UQCRC1: variants seen among roughly 807,000 people sequenced by gnomAD.
UQCRC1 encodes the protein cytochrome b-c1 complex subunit 1, mitochondrial.
Under a neutral mutation model 58.0 loss-of-function variants are expected in UQCRC1, and 34 were observed. That is an observed-to-expected ratio of 0.59 (90% confidence interval 0.45 to 0.78). The LOEUF is 0.78. Ranked by LOEUF, UQCRC1 falls within the 30% of genes least tolerant of loss-of-function variation. The probability of loss-of-function intolerance (pLI) is 0.00; values close to 1 mark genes in which losing one functional copy is unlikely to be tolerated. For synonymous variants in UQCRC1, 276 were observed against 248.8 expected (o/e 1.11, Z -1.03); for missense variants, 610 against 646.0 (o/e 0.94, Z 0.60).
chr3:48,609,235 G>C lies in UQCRC1; in HGVS notation c.137C>G (p.Pro46Arg). The change falls in exon 2 of 13, where the codon CCG becomes CGG. Residue 46 changes from proline to arginine, a missense_variant. By Grantham distance (103) the Pro-to-Arg change is moderately radical. Coordinates refer to ENST00000203407, the MANE Select transcript of UQCRC1 (RefSeq NM_003365.3). ...GTCCAGCAGGCTAACCTGCGTCTCC[G>C]GCACGAACTGGAGCGCCTGAGCGAA... ...ATFAQALQFVPETQVSLLDNG... is the reference protein window; with the variant it reads ...ATFAQALQFVRETQVSLLDNG... 2 of 1,612,914 alleles carry C rather than the reference G, an allele frequency of 1.2e-6. No homozygotes were observed. The highest frequency in any genetic ancestry group is 1.7e-6 in the Non-Finnish European group (2 of 1,179,768).
chr3:48,606,996 C>G (rs1271601400), intron 2 of UQCRC1, among the ~76,000 whole-genome samples: 1 of 151,514 alleles, frequency 6.6e-6, no homozygotes, highest in African/African-American at 2.4e-5. Flanking sequence ...GTAGCTGGAA[C>G]TACAGGCGTG....
At chr3:48,604,590 T>C in intron 4 of UQCRC1, 61 bp downstream of exon 4, 1 of 1,609,598 alleles carries the variant, frequency 6.2e-7, no homozygotes, top group South Asian at 1.1e-5. Context: ...AGCCAGGGGC[T>C]CCTAGGTAGC....
Position 48,599,151 on chromosome 3 carries a change from C to A in UQCRC1, c.1420G>T (p.Gly474Cys), listed in dbSNP as rs1393314057. Residue 474 changes from glycine to cysteine, a missense_variant, in exon 13 of 13, where the codon GGC becomes TGC. Physicochemically the swap from Gly to Cys is radical, Grantham distance 159. Transcript: ENST00000203407. ...QLPDYNRIRS[G>C]MFWLRF ...GCCTAGAAGCGCAGCCAGAACATGC[C>A]GCTACGGATCCGGTTGTAGTCTGGG... is the stretch of plus-strand genomic sequence containing the variant. The A allele has an allele frequency of 2.5e-6, 4 of 1,611,750 alleles. No individual in the cohort carries two copies. In the Admixed American group the frequency reaches 6.7e-5, roughly 27 times the overall value.
At chr3:48,609,012 T>C in intron 2 of UQCRC1, 150 bp downstream of exon 2, 1 of 1,045,804 alleles carries the variant, frequency 9.6e-7, no homozygotes. Flanking sequence ...GTGGCTAGGG[T>C]AGGGAATGGG....
rs1023756025 is a variant in UQCRC1, at chr3:48,599,015, AT to A, written c.*112del. 21 of 1,260,640 alleles carry A rather than the reference AT, an allele frequency of 1.7e-5. No homozygotes were observed. Among genetic ancestry groups the A allele is most frequent in the Non-Finnish European group, 2.1e-5 (19 of 891,992 alleles). The allele number at this position is 1,260,640 out of a possible 1,614,324, so 78.1% of individuals were successfully genotyped here. ...GGGATGACACACTTCTCAGCAGAGG[AT>A]TTTATTGGTGGTCACCTGTGGCACA... On this transcript the variant is annotated 3_prime_UTR_variant, in exon 13 of 13. Transcript: ENST00000203407.
chr3:48,606,215 T>C (rs35796820), intron 2 of UQCRC1, among the ~76,000 whole-genome samples: 12,620 of 152,314 alleles, frequency 0.083, 948 homozygotes, highest in African/African-American at 0.2. Flanking sequence ...CATTTGCAAA[T>C]AACAACTTAT....
chr3:48,600,887 C>G (rs369530651), intron 8 of UQCRC1, 47 bp from the exon 9 acceptor site: 9 of 1,612,506 alleles, frequency 5.6e-6, no homozygotes, highest in Non-Finnish European at 7.6e-6. Context: ...GTCTTCAACG[C>G]ACACTGTGAC....
rs886869186 is a variant in UQCRC1, at chr3:48,601,525, C to T, written c.707-58G>A. 28 of 1,533,830 alleles carry T rather than the reference C, an allele frequency of 1.8e-5. No individual in the cohort carries two copies. The African/African-American group carries it at 3.0e-4, about 16-fold the overall frequency. On this transcript the variant is annotated intron_variant, in intron 6 of 12. Coordinates refer to ENST00000203407, the MANE Select transcript of UQCRC1 (RefSeq NM_003365.3). ...CCAGGGCCCAAGGCACAGGGTGGGG[C>T]GATTCACAGACAGGCAGAGGACCCC...
Position 48,601,050 on chromosome 3 carries a change from G to T in UQCRC1, c.891C>A (p.Ala297=). The stretch of plus-strand genomic sequence containing the variant: ...CTTGCAAGGCCACATTGTCCGGGCT[G>T]GCCCAGCCAGGACCCTCTACTGCAA... ...VAIAVEGPGW[A]SPDNVALQVA... is the part of the protein sequence containing the mutation. The change falls in exon 8 of 13, where the codon GCC becomes GCA. Residue 297 remains alanine, a synonymous_variant. Coordinates refer to ENST00000203407, the MANE Select transcript of UQCRC1 (RefSeq NM_003365.3). 2 of 1,611,288 alleles carry T rather than the reference G, an allele frequency of 1.2e-6. No homozygotes were observed. The highest frequency in any genetic ancestry group is 1.1e-5 in the South Asian group (1 of 90,984).
intron 5 of UQCRC1, chr3:48,603,911 C>G: frequency 1.7e-6 from 1 of 584,476 alleles, no homozygotes; most frequent in Non-Finnish European, 3.0e-6. Context: ...CACTGTGGGA[C>G]TCTCAAAAGG....
At chr3:48,602,242 G>A (rs1458891931) in intron 6 of UQCRC1, among the ~76,000 whole-genome samples, 4 of 152,004 alleles carry the variant, frequency 2.6e-5, no homozygotes, top group South Asian at 2.1e-4. Flanking sequence ...CAGTAGAGAC[G>A]GGGTTTCACT....
chr3:48,601,588 A>T (rs1291631062), intron 6 of UQCRC1, 121 bp from the exon 7 acceptor site: 24 of 871,604 alleles, frequency 2.8e-5, no homozygotes, highest in Admixed American at 2.1e-5. Context: ...GGAGTATGTG[A>T]CATTAGAACA....
chr3:48,599,773 G>C, intron 11 of UQCRC1, 63 bp from the exon 12 acceptor site: 2 of 1,529,046 alleles, frequency 1.3e-6, no homozygotes, highest in South Asian at 2.2e-5. Context: ...CAGCCAGTCA[G>C]CATCATCCAA....
At chr3:48,601,299 G>T (rs529484723) in intron 7 of UQCRC1, 53 bp downstream of exon 7, 24 of 1,597,306 alleles carry the variant, frequency 1.5e-5, no homozygotes, top group Admixed American at 6.9e-5. Flanking sequence ...GCACATGGGG[G>T]TCCTCCCACA....
Position 48,604,162 on chromosome 3 carries a change from T to C in UQCRC1, c.626+71A>G, listed in dbSNP as rs1486475150. ...ACCCCGACAGCTAGCCAACTAAAAA[T>C]GTGACCTGGAAAGGGTCTGGCCAGG... On this transcript the variant is annotated intron_variant, in intron 5 of 12. Coordinates refer to ENST00000203407, the MANE Select transcript of UQCRC1 (RefSeq NM_003365.3). The C allele has an allele frequency of 2.6e-5, 40 of 1,538,924 alleles. No homozygotes were observed. The South Asian group carries it at 3.0e-4, about 12-fold the overall frequency.
Position 48,599,150 on chromosome 3 carries a change from C to T in UQCRC1, c.1421G>A (p.Gly474Asp), listed in dbSNP as rs1354738059. The change falls in exon 13 of 13, where the codon GGC becomes GAC. Residue 474 changes from glycine (G) to aspartate (D), a missense_variant. Physicochemically the swap from Gly to Asp is moderately conservative, Grantham distance 94 (BLOSUM62 -1). Coordinates refer to ENST00000203407, the MANE Select transcript of UQCRC1 (RefSeq NM_003365.3). ...CGCCTAGAAGCGCAGCCAGAACATG[C>T]CGCTACGGATCCGGTTGTAGTCTGG... is the stretch of plus-strand genomic sequence containing the variant. ...QLPDYNRIRS[G>D]MFWLRF 1.2e-6 allele frequency: 2 copies of T among 1,611,558 alleles called. No individual in the cohort carries two copies. Among genetic ancestry groups the T allele is most frequent in the African/African-American group, 2.7e-5 (2 of 74,868 alleles).
At position 48,600,424 on chromosome 3, in the gene UQCRC1, T is replaced by C. The variant is rs1022659388; in HGVS notation, c.1213+58A>G. 14 of 1,602,074 alleles carry C rather than the reference T, an allele frequency of 8.7e-6. No individual in the cohort carries two copies. The Admixed American group carries it at 2.2e-4, about 25-fold the overall frequency. On this transcript the variant is annotated intron_variant, in intron 10 of 12. Transcript: ENST00000203407. Reference sequence around the variant, plus strand: ...TGGTTAGTTAGGAGCAGTGGCCACCTTGGTGCTGTCGCTGGCAAGATGTAC... The same window carrying C: ...TGGTTAGTTAGGAGCAGTGGCCACCCTGGTGCTGTCGCTGGCAAGATGTAC...
intron 10 of UQCRC1, 110 bp downstream of exon 10, chr3:48,600,371 TG>T: frequency 7.4e-7 from 1 of 1,354,890 alleles, no homozygotes; most frequent in Non-Finnish European, 1.0e-6. Context: ...GGGCATGGCG[TG>T]GTCTTCAAAG....
At chr3:48,599,970 G>T in intron 11 of UQCRC1, 93 bp downstream of exon 11, 1 of 1,491,078 alleles carries the variant, frequency 6.7e-7, no homozygotes. Context: ...GATGCCTATA[G>T]GAGCAGGCTG....
Sources: allele counts gnomAD v4.1 joint callset (sites outside exome capture counted in the v4.1 genomes callset), GRCh38; gene constraint gnomAD v4.1.1; transcripts MANE v1.5; gene names NCBI Gene and HGNC (gene_info 2026-07-23, HGNC 2026-07-21).